The following SMIM3 variants were observed in gnomAD, a reference collection of about 807,000 sequenced individuals.
The protein encoded by SMIM3 is NGF-induced differentiation clone 67 protein.
Under a neutral mutation model 2.1 loss-of-function variants are expected in SMIM3, and 4 were observed. That is an observed-to-expected ratio of 1.89 (90% CI 0.93 to 4.31). SMIM3 has a LOEUF of 4.31. Ranked by LOEUF, SMIM3 falls within the 30% of genes most tolerant of loss-of-function variation. SMIM3 has a pLI of 0.01. For synonymous variants in SMIM3, 29 were observed against 30.8 expected, an observed-to-expected ratio of 0.94 and a Z score of 0.19; for missense variants, 79 against 77.7, an observed-to-expected ratio of 1.02 and a Z score of -0.06.
chr5:150,791,368 T>C (rs918683715), intron 1 of SMIM3, among the ~76,000 whole-genome samples: 7 of 152,160 alleles, frequency 4.6e-5, no homozygotes, highest in Non-Finnish European at 1.0e-4. Context: ...TCCTCCTGCC[T>C]AACTGAAACA....
chr5:150,791,571 A>G (rs10058079), intron 1 of SMIM3, among the ~76,000 whole-genome samples: 37,654 of 152,066 alleles, frequency 0.25, 6,768 homozygotes, highest in East Asian at 0.63. Flanking sequence ...CTATGTTGTC[A>G]CAAATGGCAC....
intron 1 of SMIM3, among the ~76,000 whole-genome samples, chr5:150,793,211 G>A (rs1010935859): frequency 1.3e-5 from 2 of 152,012 alleles, no homozygotes; most frequent in Non-Finnish European, 2.9e-5. Context: ...GCTCATGGAT[G>A]GGTAGAATAA....
chr5:150,781,955 G>T (rs1056633152), intron 1 of SMIM3, among the ~76,000 whole-genome samples: 1 of 152,202 alleles, frequency 6.6e-6, no homozygotes, highest in Non-Finnish European at 1.5e-5. Context: ...GGGTCAGATG[G>T]TACGTGCGGT....
chr5:150,783,914 C>CT (rs557905770), intron 1 of SMIM3, among the ~76,000 whole-genome samples: 6,241 of 124,224 alleles, frequency 0.05, 389 homozygotes, highest in African/African-American at 0.12. Context: ...TTTGAACTCC[C>CT]TTTTTTTTTT....
rs569723824 is a variant in SMIM3 at position 150,790,702 on chromosome 5, A to G, written c.-11-4728A>G. ...GGGGTCTTAAAGATTTGTTGAGTCC[A>G]GAGGTTCCCAAATCTGGCTGCACGT... On this transcript the variant is annotated intron_variant, in intron 1 of 1. Coordinates refer to ENST00000526627, the MANE Select transcript of SMIM3 (RefSeq NM_032947.5). Among the ~76,000 whole-genome samples the G allele has an allele frequency of 6.6e-5, 10 of 152,316 alleles. No homozygotes were observed. In the East Asian group the frequency reaches 1.7e-3, roughly 26 times the overall value.
At chr5:150,786,182 T>G (rs193204183) in intron 1 of SMIM3, among the ~76,000 whole-genome samples, 219 of 152,358 alleles carry the variant, frequency 1.4e-3, no homozygotes, top group Middle Eastern at 3.4e-3. Context: ...TCCAGTTTAC[T>G]AATTCTCTCT....
rs534429169 is a variant in SMIM3 at position 150,795,423 on chromosome 5, G to A, written c.-11-7G>A. 6.2e-7 allele frequency: 1 copy of A among 1,613,914 alleles called. No homozygotes were observed. Among genetic ancestry groups the A allele is most frequent in the East Asian group, 2.2e-5 (1 of 44,880 alleles). On this transcript the variant is annotated splice_polypyrimidine_tract_variant and splice_region_variant and intron_variant, in intron 1 of 1. Coordinates refer to ENST00000526627, the MANE Select transcript of SMIM3 (RefSeq NM_032947.5). ...CAACAGTGATCTTCCTTTCTTGTCT[G>A]TTGCAGAGTGAAGCAACATGGATGC...
At chr5:150,793,667 C>A (rs1489720947) in intron 1 of SMIM3, among the ~76,000 whole-genome samples, 1 of 152,178 alleles carries the variant, frequency 6.6e-6, no homozygotes, top group Non-Finnish European at 1.5e-5. Flanking sequence ...ATACAAAAAT[C>A]AACTCAAGAT....
chr5:150,787,985 A>G (rs879373309), intron 1 of SMIM3, among the ~76,000 whole-genome samples: 29 of 152,312 alleles, frequency 1.9e-4, no homozygotes, highest in African/African-American at 6.0e-4. Context: ...GTTACTTATC[A>G]TGATAATACT....
chr5:150,783,000 C>G (rs1753251773), intron 1 of SMIM3, among the ~76,000 whole-genome samples: 1 of 152,168 alleles, frequency 6.6e-6, no homozygotes, highest in South Asian at 2.1e-4. Flanking sequence ...AAGCAACAAA[C>G]AAGCTAATTT....
At chr5:150,784,004 C>A (rs779409460) in intron 1 of SMIM3, among the ~76,000 whole-genome samples, 22 of 150,834 alleles carry the variant, frequency 1.5e-4, no homozygotes, top group Admixed American at 5.3e-4. Context: ...CTGCAACCTC[C>A]ACCTCCTGGG....
At chr5:150,791,738 A>G (rs1305732456) in intron 1 of SMIM3, among the ~76,000 whole-genome samples, 1 of 152,188 alleles carries the variant, frequency 6.6e-6, no homozygotes, top group Non-Finnish European at 1.5e-5. Flanking sequence ...TCTCTTTGAC[A>G]TACTGATTTC....
chr5:150,791,842 T>C (rs911419223), intron 1 of SMIM3, among the ~76,000 whole-genome samples: 5 of 152,224 alleles, frequency 3.3e-5, no homozygotes, highest in African/African-American at 1.2e-4. Context: ...CTGTTTTTCA[T>C]AGTAGCTGTA....
rs147004019 is a variant in SMIM3, at chr5:150,781,273, G to T, written c.-12+2301G>T. 3.2e-3 allele frequency among the ~76,000 whole-genome samples: 482 copies of T among 152,340 alleles called. 1 individual carries two copies. The highest frequency in any genetic ancestry group is 0.01 in the African/African-American group (429 of 41,584). On this transcript the variant is annotated intron_variant, in intron 1 of 1. Coordinates refer to ENST00000526627, the MANE Select transcript of SMIM3 (RefSeq NM_032947.5). ...TTACTTTCAGGGTGACCTGAGAGAA[G>T]TTAAGTGAGAATTTGATAGTCACTG...
In SMIM3 at chr5:150,796,216, A is replaced by T. The variant is rs112586837; in HGVS notation, c.*593A>T. 1,303 of 153,654 alleles carry T rather than the reference A, an allele frequency of 8.5e-3. 12 individuals are homozygous for T. Among genetic ancestry groups the T allele is most frequent in the Non-Finnish European group, 0.011 (764 of 68,446 alleles). The allele number at this position is 153,654 out of a possible 1,614,324, so 9.5% of individuals were successfully genotyped here. ...CTCTGCCCCTGTGTAATCTGAAGGA[A>T]GGCTGTGCCATCTTTGGGCACTGCC... On this transcript the variant is annotated 3_prime_UTR_variant, in exon 2 of 2. Coordinates refer to ENST00000526627, the MANE Select transcript of SMIM3 (RefSeq NM_032947.5).
chr5:150,788,659 GAA>G (rs913277407), intron 1 of SMIM3, among the ~76,000 whole-genome samples: 5 of 149,420 alleles, frequency 3.3e-5, no homozygotes, highest in African/African-American at 1.2e-4. Flanking sequence ...AGAAAAAAAA[GAA>G]AAAAGTTTTT....
chr5:150,783,968 G>T lies in SMIM3; in HGVS notation c.-12+4996G>T, dbSNP rs369173115. On this transcript the variant is annotated intron_variant, in intron 1 of 1. Transcript: ENST00000526627. Reference sequence around the variant, plus strand: ...GGAATCTCACTCTGTCACCAGGCTGGAGAGCAGTGGTGTGATCTTGGCTAA... The same window carrying T: ...GGAATCTCACTCTGTCACCAGGCTGTAGAGCAGTGGTGTGATCTTGGCTAA... Among the ~76,000 whole-genome samples the T allele has an allele frequency of 3.6e-4, 54 of 147,984 alleles. No individual in the cohort carries two copies. In the East Asian group the frequency reaches 9.6e-3, roughly 26 times the overall value.
rs566998953 is a variant in SMIM3, at chr5:150,794,583, C to T, written c.-11-847C>T. Among the ~76,000 whole-genome samples, 4 of 152,254 alleles carry T rather than the reference C, an allele frequency of 2.6e-5. No homozygotes were observed. In the South Asian group the frequency reaches 8.3e-4, roughly 32 times the overall value. On this transcript the variant is annotated intron_variant, in intron 1 of 1. Transcript: ENST00000526627. The stretch of plus-strand genomic sequence containing the variant: ...AACTCAGGAATGGAACACCAAACAT[C>T]GTATGTTCTCACTGATATGTGGGAG...
At chr5:150,782,472 A>C (rs574376443) in intron 1 of SMIM3, among the ~76,000 whole-genome samples, 1 of 152,078 alleles carries the variant, frequency 6.6e-6, no homozygotes, top group African/African-American at 2.4e-5. Flanking sequence ...TCCCCACCTC[A>C]GTCCCCAGCT....
Sources: allele counts gnomAD v4.1 joint callset (sites outside exome capture counted in the v4.1 genomes callset), GRCh38; gene constraint gnomAD v4.1.1; transcripts MANE v1.5; gene names NCBI Gene and HGNC (gene_info 2026-07-23, HGNC 2026-07-21).